Variants in CAMK1D observed in about 807,000 individuals in gnomAD.
The protein encoded by CAMK1D is calcium/calmodulin-dependent protein kinase type 1D.
In CAMK1D, 9 loss-of-function variants were observed where a neutral mutation model predicts 47.7. That is an observed-to-expected ratio of 0.19 (90% CI 0.11 to 0.33). CAMK1D has a LOEUF of 0.33. Ranked by LOEUF, CAMK1D falls within the 10% of genes least tolerant of loss-of-function variation. CAMK1D has a pLI of 1.00. For missense variants in CAMK1D, 291 were observed against 488.7 expected, an observed-to-expected ratio of 0.60 and a Z score of 3.81; for synonymous variants, 184 against 184.9, an observed-to-expected ratio of 0.99 and a Z score of 0.04.
At chr10:12,388,610 T>C (rs1349117204) in intron 1 of CAMK1D, among the ~76,000 whole-genome samples, 1 of 152,232 alleles carries the variant, frequency 6.6e-6, no homozygotes, top group African/African-American at 2.4e-5. Flanking sequence ...GTCTGCTAAT[T>C]GCAGAGGTTA....
chr10:12,708,293 T>TA (rs571140799), intron 3 of CAMK1D, among the ~76,000 whole-genome samples: 176 of 152,192 alleles, frequency 1.2e-3, no homozygotes, highest in Non-Finnish European at 1.9e-3. Flanking sequence ...TGGCGACTGA[T>TA]ACGTTTACAT....
intron 1 of CAMK1D, among the ~76,000 whole-genome samples, chr10:12,529,001 G>T (rs1317186509): frequency 6.6e-6 from 1 of 151,508 alleles, no homozygotes; most frequent in Non-Finnish European, 1.5e-5. Context: ...TGTTGCCCAG[G>T]CTGGTCTTGA....
intron 1 of CAMK1D, among the ~76,000 whole-genome samples, chr10:12,451,909 C>T (rs553686136): frequency 2.2e-4 from 33 of 152,188 alleles, no homozygotes; most frequent in Admixed American, 1.3e-3. Context: ...CTTCGACCAC[C>T]GGGGTCCCAG....
At chr10:12,512,136 G>C (rs1039533484) in intron 1 of CAMK1D, among the ~76,000 whole-genome samples, 1 of 152,200 alleles carries the variant, frequency 6.6e-6, no homozygotes, top group African/African-American at 2.4e-5. Flanking sequence ...TATTAGAGGT[G>C]ATAAAAAGCC....
At chr10:12,593,914 C>T (rs997659716) in intron 2 of CAMK1D, among the ~76,000 whole-genome samples, 3 of 152,008 alleles carry the variant, frequency 2.0e-5, no homozygotes, top group Non-Finnish European at 2.9e-5. Context: ...CGGTGGCTCA[C>T]GCCTGTAATC....
chr10:12,364,299 TGGCATGATCTC>T (rs1837771364), intron 1 of CAMK1D, among the ~76,000 whole-genome samples: 2 of 139,822 alleles, frequency 1.4e-5, no homozygotes, highest in Admixed American at 8.1e-5. Context: ...TGGAGTGCAG[TGGCATGATCTC>T]GGCTCACTGC....
intron 2 of CAMK1D, among the ~76,000 whole-genome samples, chr10:12,570,105 C>T (rs1456259190): frequency 6.6e-6 from 1 of 151,996 alleles, no homozygotes; most frequent in African/African-American, 2.4e-5. Flanking sequence ...GAGGCTGAGG[C>T]AGGAGAATTG....
chr10:12,737,153 C>T (rs577172353), intron 3 of CAMK1D, among the ~76,000 whole-genome samples: 1 of 152,102 alleles, frequency 6.6e-6, no homozygotes, highest in South Asian at 2.1e-4. Flanking sequence ...ACCCTCGCCC[C>T]CATCCATCAG....
At chr10:12,800,983 A>G (rs1453820359) in intron 6 of CAMK1D, among the ~76,000 whole-genome samples, 1 of 152,114 alleles carries the variant, frequency 6.6e-6, no homozygotes, top group Non-Finnish European at 1.5e-5. Flanking sequence ...CATCATTTTC[A>G]TGGGTAGAGT....
At position 12,721,841 on chromosome 10, in the gene CAMK1D, G is replaced by C. The variant is rs992309214; in HGVS notation, c.300-39107G>C. The stretch of plus-strand genomic sequence containing the variant: ...TTACGGACATGGCCCTAGACTCCAG[G>C]TGTCAGAATTACCACTGTAGACCTA... On this transcript the variant is annotated intron_variant, in intron 3 of 10. Coordinates refer to ENST00000619168, the MANE Select transcript of CAMK1D (RefSeq NM_153498.4). Among the ~76,000 whole-genome samples the C allele has an allele frequency of 2.0e-5, 3 of 152,122 alleles. No individual in the cohort carries two copies. In the East Asian group the frequency reaches 5.8e-4, roughly 29 times the overall value.
At chr10:12,738,415 G>A (rs1366590883) in intron 3 of CAMK1D, among the ~76,000 whole-genome samples, 3 of 152,192 alleles carry the variant, frequency 2.0e-5, no homozygotes, top group Admixed American at 6.5e-5. Context: ...CGTTTGTCCA[G>A]TGCTAGAATT....
intron 2 of CAMK1D, among the ~76,000 whole-genome samples, chr10:12,652,158 A>C (rs1388453232): frequency 6.6e-6 from 1 of 152,048 alleles, no homozygotes; most frequent in African/African-American, 2.4e-5. Flanking sequence ...GGAGTGGGGA[A>C]GAAAGCTTTT....
At chr10:12,379,174 G>T (rs993524560) in intron 1 of CAMK1D, among the ~76,000 whole-genome samples, 3 of 152,096 alleles carry the variant, frequency 2.0e-5, no homozygotes, top group Non-Finnish European at 4.4e-5. Flanking sequence ...AAAATTTGAG[G>T]GGTTCCTAAA....
intron 2 of CAMK1D, among the ~76,000 whole-genome samples, chr10:12,571,471 A>AC (rs397777423): frequency 6.7e-6 from 1 of 149,840 alleles, no homozygotes; most frequent in African/African-American, 2.4e-5. Context: ...AAAAAAAAAA[A>AC]GAAAAAAAAG....
chr10:12,466,151 C>T (rs7894789), intron 1 of CAMK1D, among the ~76,000 whole-genome samples: 20,162 of 151,662 alleles, frequency 0.13, 1,420 homozygotes, highest in Middle Eastern at 0.21. Flanking sequence ...GACACCGTCT[C>T]GAAAAAAAAT....
intron 1 of CAMK1D, among the ~76,000 whole-genome samples, chr10:12,526,011 G>T (rs149375342): frequency 6.6e-6 from 1 of 152,188 alleles, no homozygotes; most frequent in Admixed American, 6.5e-5. Context: ...GCCTGCTGTG[G>T]CCTCCCAAAG....
chr10:12,545,786 C>T lies in CAMK1D; in HGVS notation c.93-7439C>T, dbSNP rs868055009. On this transcript the variant is annotated intron_variant, in intron 1 of 10. Coordinates refer to ENST00000619168, the MANE Select transcript of CAMK1D (RefSeq NM_153498.4). The stretch of plus-strand genomic sequence containing the variant: ...CTGCACTCCAGCCCGGGTGACAGAG[C>T]GAGACTCCGTCTCAAAAAAGAAAAA... 2.0e-5 allele frequency among the ~76,000 whole-genome samples: 3 copies of T among 151,316 alleles called. No homozygotes were observed. In the East Asian group the frequency reaches 5.8e-4, roughly 29 times the overall value.
chr10:12,720,974 G>T (rs770782039), intron 3 of CAMK1D, among the ~76,000 whole-genome samples: 53 of 152,222 alleles, frequency 3.5e-4, no homozygotes, highest in Non-Finnish European at 7.3e-5. Flanking sequence ...GGAGACTCTT[G>T]ACAAGGCTTT....
intron 1 of CAMK1D, among the ~76,000 whole-genome samples, chr10:12,357,372 G>C (rs1186216895): frequency 6.6e-6 from 1 of 151,934 alleles, no homozygotes; most frequent in African/African-American, 2.4e-5. Context: ...CTGGAGTGCA[G>C]TGGCGTGATC....
Sources: allele counts gnomAD v4.1 joint callset (sites outside exome capture counted in the v4.1 genomes callset), GRCh38; gene constraint gnomAD v4.1.1; transcripts MANE v1.5; gene names NCBI Gene and HGNC (gene_info 2026-07-23, HGNC 2026-07-21).